Variants in RNLS observed in about 807,000 individuals in gnomAD.
RNLS encodes renalase.
Under a neutral mutation model 39.8 loss-of-function variants are expected in RNLS, and 39 were observed. The observed-to-expected ratio is 0.98, with a 90% CI of 0.76 to 1.28. The LOEUF is 1.28. Among genes scored for constraint, RNLS ranks in the 50% most tolerant of loss-of-function variants. The pLI is 0.00. For missense variants in RNLS, 410 were observed against 413.3 expected (o/e 0.99, Z 0.07); for synonymous variants, 147 against 150.7 (o/e 0.98, Z 0.18).
chr10:88,279,453 T>C (rs1018929020), downstream of RNLS, among the ~76,000 whole-genome samples: 2 of 152,084 alleles, frequency 1.3e-5, no homozygotes, highest in African/African-American at 2.4e-5. Context: ...CCACATTTCA[T>C]AGACGAGGGC....
chr10:88,509,566 A>G (rs1478442635), intron 4 of RNLS, among the ~76,000 whole-genome samples: 3 of 152,082 alleles, frequency 2.0e-5, no homozygotes, highest in Non-Finnish European at 4.4e-5. Flanking sequence ...TAAAATATAT[A>G]AAGCATTTGA....
At chr10:88,574,507 CT>C (rs1156269731) in intron 3 of RNLS, among the ~76,000 whole-genome samples, 1 of 152,172 alleles carries the variant, frequency 6.6e-6, no homozygotes, top group Admixed American at 6.5e-5. Context: ...TATCTGCATG[CT>C]TTAGTTGTAT....
chr10:88,294,107 A>T (rs928757348), intron 6 of RNLS, among the ~76,000 whole-genome samples: 2 of 152,200 alleles, frequency 1.3e-5, no homozygotes, highest in Non-Finnish European at 2.9e-5. Flanking sequence ...TGTGGAATAA[A>T]TTCAAATTAC....
chr10:88,191,994 C>T, the RNLS span, among the ~76,000 whole-genome samples: 2 of 151,790 alleles, frequency 1.3e-5, no homozygotes, highest in African/African-American at 4.8e-5. Flanking sequence ...GTCTCCAACT[C>T]ATTATGATGA....
intron 4 of RNLS, among the ~76,000 whole-genome samples, chr10:88,466,479 C>T (rs1843211952): frequency 6.6e-6 from 1 of 152,104 alleles, no homozygotes; most frequent in South Asian, 2.1e-4. Context: ...ATATGACAGA[C>T]ATTTTAGAAA....
chr10:88,216,379 T>C, the RNLS span, among the ~76,000 whole-genome samples: 1 of 152,196 alleles, frequency 6.6e-6, no homozygotes, highest in Admixed American at 6.5e-5. Context: ...TCATAAGATA[T>C]CTGTATTTTT....
intron 4 of RNLS, among the ~76,000 whole-genome samples, chr10:88,562,586 T>G (rs1368017935): frequency 1.3e-5 from 2 of 152,044 alleles, no homozygotes; most frequent in Non-Finnish European, 2.9e-5. Flanking sequence ...GAACCATGAA[T>G]GAAATGACAA....
intron 4 of RNLS, among the ~76,000 whole-genome samples, chr10:88,432,289 G>C (rs921661680): frequency 1.3e-5 from 2 of 151,548 alleles, no homozygotes; most frequent in African/African-American, 2.4e-5. Context: ...GCTTTCTTTT[G>C]ATTAGTGTTA....
intron 4 of RNLS, among the ~76,000 whole-genome samples, chr10:88,470,607 T>C (rs549921262): frequency 7.2e-6 from 1 of 139,800 alleles, no homozygotes; most frequent in South Asian, 2.3e-4. Flanking sequence ...ACAAATGTTT[T>C]GTAATTTTAA....
At chr10:88,404,223 A>G (rs1185821123) in intron 4 of RNLS, among the ~76,000 whole-genome samples, 1 of 152,074 alleles carries the variant, frequency 6.6e-6, no homozygotes, top group African/African-American at 2.4e-5. Flanking sequence ...TACATGAGGT[A>G]TGGTTGAAAG....
intron 4 of RNLS, among the ~76,000 whole-genome samples, chr10:88,542,500 G>A (rs1028672010): frequency 2.0e-5 from 3 of 152,212 alleles, no homozygotes; most frequent in African/African-American, 7.2e-5. Context: ...CATACTTGGT[G>A]TGACACTGGT....
At chr10:88,296,125 G>C (rs1389764838) in intron 6 of RNLS, among the ~76,000 whole-genome samples, 1 of 152,082 alleles carries the variant, frequency 6.6e-6, no homozygotes, top group Non-Finnish European at 1.5e-5. Flanking sequence ...AAAAGTGTGA[G>C]GGTAAAAAAC....
chr10:88,283,808 G>A (rs957277473), downstream of RNLS, among the ~76,000 whole-genome samples: 1 of 152,060 alleles, frequency 6.6e-6, no homozygotes, highest in Non-Finnish European at 1.5e-5. Flanking sequence ...GGGCCTACCT[G>A]AGAGTAGAGG....
intron 4 of RNLS, among the ~76,000 whole-genome samples, chr10:88,445,623 A>G (rs545999754): frequency 2.0e-5 from 3 of 152,320 alleles, no homozygotes; most frequent in Non-Finnish European, 2.9e-5. Context: ...AGGAAGATCT[A>G]CCAAGCAAAT....
chr10:88,219,193 A>G, the RNLS span, among the ~76,000 whole-genome samples: 4 of 152,224 alleles, frequency 2.6e-5, no homozygotes, highest in Admixed American at 2.6e-4. Context: ...TTACATAACT[A>G]AATGATATTG....
Position 88,581,711 on chromosome 10 carries a change from TG to T in RNLS, c.225-3del. 6.4e-7 allele frequency: 1 copy of T among 1,555,698 alleles called. No homozygotes were observed. Among genetic ancestry groups the T allele is most frequent in the Non-Finnish European group, 8.7e-7 (1 of 1,154,420 alleles). ...TAGGCTAACAGTTCATCATAAAAACTGAAATAAATCAATATGTATATTTAAT... is the reference window on the plus strand; with the variant it reads ...TAGGCTAACAGTTCATCATAAAAACTAAATAAATCAATATGTATATTTAAT... On this transcript the variant is annotated splice_region_variant and splice_polypyrimidine_tract_variant and intron_variant, in intron 2 of 6. Transcript: ENST00000331772.
chr10:88,560,624 G>C (rs913357700), intron 4 of RNLS, among the ~76,000 whole-genome samples: 1 of 152,030 alleles, frequency 6.6e-6, no homozygotes, highest in Non-Finnish European at 1.5e-5. Context: ...AACTCTGGGA[G>C]GGAGCTCCCA....
At chr10:88,365,203 C>A (rs1429534597) in intron 4 of RNLS, among the ~76,000 whole-genome samples, 2 of 151,930 alleles carry the variant, frequency 1.3e-5, no homozygotes, top group African/African-American at 4.8e-5. Flanking sequence ...CTGACTGAAA[C>A]AATCTCAATT....
intron 6 of RNLS, among the ~76,000 whole-genome samples, chr10:88,310,557 A>G (rs1468416219): frequency 6.6e-6 from 1 of 152,054 alleles, no homozygotes; most frequent in East Asian, 1.9e-4. Context: ...TTGGGAGGCC[A>G]AAGCAGGAGG....
Sources: gnomAD v4.1 joint callset for allele counts (sites outside exome capture counted in the v4.1 genomes callset) on GRCh38, gnomAD v4.1.1 for gene constraint, MANE v1.5 for transcripts, NCBI Gene and HGNC (gene_info 2026-07-23, HGNC 2026-07-21) for gene names.